CNTNAP5: variants seen among roughly 807,000 people sequenced by gnomAD.
The protein encoded by CNTNAP5 is contactin-associated protein-like 5.
A neutral mutation model predicts 150.2 loss-of-function variants in CNTNAP5; 72 were observed. The observed-to-expected ratio is 0.48, with a 90% CI of 0.40 to 0.58. The LOEUF (loss-of-function observed/expected upper bound fraction) is 0.58, where lower values mean the gene tolerates loss of function less well. Ranked by LOEUF, CNTNAP5 falls within the 20% of genes least tolerant of loss-of-function variation. The probability of loss-of-function intolerance (pLI) is 0.00; values close to 1 mark genes in which losing one functional copy is unlikely to be tolerated. For synonymous variants in CNTNAP5, 672 were observed against 619.8 expected (o/e 1.08, Z -1.25); for missense variants, 1,636 against 1,626.2 (o/e 1.01, Z -0.10).
chr2:124,797,315 A>G (rs1005994490), intron 18 of CNTNAP5, among the ~76,000 whole-genome samples: 2 of 152,196 alleles, frequency 1.3e-5, no homozygotes, highest in Admixed American at 6.5e-5. Flanking sequence ...AGGCTGGGTG[A>G]TTTACATATC....
At chr2:124,821,513 G>C (rs1682491379) in intron 19 of CNTNAP5, among the ~76,000 whole-genome samples, 1 of 152,160 alleles carries the variant, frequency 6.6e-6, no homozygotes, top group Non-Finnish European at 1.5e-5. Flanking sequence ...CTAGTGTTGA[G>C]GATGTTGATC....
intron 1 of CNTNAP5, among the ~76,000 whole-genome samples, chr2:124,072,316 A>G (rs1682326879): frequency 6.6e-6 from 1 of 151,914 alleles, no homozygotes; most frequent in African/African-American, 2.4e-5. Flanking sequence ...AAGATGTGGG[A>G]AAAAAATACA....
At chr2:124,224,133 A>T (rs188731934) in intron 2 of CNTNAP5, among the ~76,000 whole-genome samples, 17 of 152,212 alleles carry the variant, frequency 1.1e-4, no homozygotes, top group Admixed American at 8.5e-4. Context: ...CCAAGCAAGG[A>T]TATTGATAAA....
chr2:124,888,973 G>A (rs1365345855), intron 21 of CNTNAP5, among the ~76,000 whole-genome samples: 1 of 148,018 alleles, frequency 6.8e-6, no homozygotes, highest in Non-Finnish European at 1.5e-5. Flanking sequence ...TTTTGTTTTT[G>A]TCACAATTGC....
chr2:124,850,818 A>G (rs954582955), intron 19 of CNTNAP5, among the ~76,000 whole-genome samples: 5 of 152,212 alleles, frequency 3.3e-5, no homozygotes, highest in Admixed American at 2.6e-4. Flanking sequence ...TTAGAAAGAA[A>G]AGAATGTGAC....
chr2:124,189,773 G>A (rs62163934), intron 1 of CNTNAP5, among the ~76,000 whole-genome samples: 30,980 of 152,038 alleles, frequency 0.2, 3,327 homozygotes, highest in African/African-American at 0.24. Context: ...TCCACACCTT[G>A]CAGGGCTTCC....
Position 124,647,857 on chromosome 2 carries a change from G to A in CNTNAP5, c.1976G>A (p.Gly659Glu), listed in dbSNP as rs1258248067. Residue 659 changes from glycine to glutamate, a missense_variant, in exon 13 of 24, where the codon GGG (glycine) becomes GAG (glutamate). Physicochemically the swap from Gly to Glu is moderately conservative, Grantham distance 98. Transcript: ENST00000682447. The stretch of plus-strand genomic sequence containing the variant: ...CCCTATGCCATGGCCTTGGACTACG[G>A]GGGCAGCATGGAACAGCTGGAGGCC... ...EKPYAMALDY[G>E]GSMEQLEAVI... 2 of 1,613,446 alleles carry A rather than the reference G, an allele frequency of 1.2e-6. No individual in the cohort carries two copies. Among genetic ancestry groups the A allele is most frequent in the Admixed American group, 3.3e-5 (2 of 59,958 alleles).
At chr2:124,367,957 A>G (rs1456461796) in intron 3 of CNTNAP5, among the ~76,000 whole-genome samples, 1 of 152,174 alleles carries the variant, frequency 6.6e-6, no homozygotes, top group Non-Finnish European at 1.5e-5. Context: ...TATGTTGCAC[A>G]TGTGTGATGT....
chr2:124,115,231 C>T (rs569202013), intron 1 of CNTNAP5, among the ~76,000 whole-genome samples: 1 of 152,166 alleles, frequency 6.6e-6, no homozygotes, highest in Admixed American at 6.5e-5. Context: ...AAAATGAACA[C>T]CCTTTCATAA....
At chr2:124,268,098 G>A (rs186021309) in intron 3 of CNTNAP5, among the ~76,000 whole-genome samples, 327 of 152,254 alleles carry the variant, frequency 2.1e-3, no homozygotes, top group Middle Eastern at 3.4e-3. Flanking sequence ...GCTATCTTTC[G>A]ACCAATAGAT....
intron 1 of CNTNAP5, among the ~76,000 whole-genome samples, chr2:124,178,078 C>A (rs916657882): frequency 1.1e-4 from 16 of 152,024 alleles, no homozygotes; most frequent in Non-Finnish European, 2.2e-4. Flanking sequence ...AACTCCTGAC[C>A]TTACGTGATC....
intron 13 of CNTNAP5, among the ~76,000 whole-genome samples, chr2:124,698,353 T>A (rs1190623386): frequency 7.0e-6 from 1 of 143,622 alleles, no homozygotes; most frequent in Non-Finnish European, 1.5e-5. Flanking sequence ...AAGATTTTAA[T>A]ATGCCCAAGT....
chr2:124,707,819 T>C (rs1453797589), intron 13 of CNTNAP5, among the ~76,000 whole-genome samples: 4 of 152,204 alleles, frequency 2.6e-5, no homozygotes, highest in African/African-American at 9.6e-5. Context: ...CAGCCTCAAG[T>C]ATCGTAAATT....
At chr2:124,088,178 T>C (rs536719530) in intron 1 of CNTNAP5, among the ~76,000 whole-genome samples, 1 of 152,266 alleles carries the variant, frequency 6.6e-6, no homozygotes, top group African/African-American at 2.4e-5. Flanking sequence ...AATCTTCCAG[T>C]TTTCTGATTC....
chr2:124,184,596 G>T (rs1253584904), intron 1 of CNTNAP5, among the ~76,000 whole-genome samples: 1 of 152,132 alleles, frequency 6.6e-6, no homozygotes, highest in Admixed American at 6.5e-5. Flanking sequence ...GGAGAAGAAA[G>T]GACAAGGCAG....
intron 7 of CNTNAP5, among the ~76,000 whole-genome samples, chr2:124,490,082 C>G (rs1573409127): frequency 6.6e-6 from 1 of 151,984 alleles, no homozygotes; most frequent in Admixed American, 6.6e-5. Flanking sequence ...ACCTGTAATC[C>G]CAGCATTTTG....
At chr2:124,320,810 T>TGA (rs765204157) in intron 3 of CNTNAP5, among the ~76,000 whole-genome samples, 30 of 152,304 alleles carry the variant, frequency 2.0e-4, no homozygotes, top group South Asian at 4.1e-4. Flanking sequence ...TGTGTGTGTG[T>TGA]GACCCCTCCA....
chr2:124,189,318 T>C (rs1685407279), intron 1 of CNTNAP5, among the ~76,000 whole-genome samples: 1 of 152,152 alleles, frequency 6.6e-6, no homozygotes, highest in South Asian at 2.1e-4. Context: ...CCTCATAAAG[T>C]CCATTTCTAA....
chr2:124,663,272 C>T (rs543936316), intron 13 of CNTNAP5, among the ~76,000 whole-genome samples: 2 of 152,300 alleles, frequency 1.3e-5, no homozygotes, highest in African/African-American at 4.8e-5. Context: ...GCCAGTTAGA[C>T]ATTCGCTTGA....
Sources: gnomAD v4.1 joint callset for allele counts (sites outside exome capture counted in the v4.1 genomes callset) on GRCh38, gnomAD v4.1.1 for gene constraint, MANE v1.5 for transcripts, NCBI Gene and HGNC (gene_info 2026-07-23, HGNC 2026-07-21) for gene names.